The following SECISBP2L variants were observed in gnomAD, a reference collection of about 807,000 sequenced individuals.
The protein encoded by SECISBP2L is selenocysteine insertion sequence-binding protein 2-like.
A neutral mutation model predicts 114.7 loss-of-function variants in SECISBP2L; 43 were observed. The ratio of observed to expected loss-of-function variants is 0.38; its 90% CI spans 0.29 to 0.48. SECISBP2L has a LOEUF of 0.48. SECISBP2L is among the 20% of genes least tolerant of loss of function. The pLI is 0.98. For missense variants in SECISBP2L, 1,136 were observed against 1,301.1 expected (o/e 0.87, Z 1.95); for synonymous variants, 451 against 439.7 (o/e 1.03, Z -0.32).
intron 4 of SECISBP2L, among the ~76,000 whole-genome samples, chr15:49,031,989 A>G (rs1219745051): frequency 6.6e-6 from 1 of 152,208 alleles, no homozygotes; most frequent in Non-Finnish European, 1.5e-5. Flanking sequence ...TCAAAGCTTC[A>G]TGCCTTTATG....
chr15:49,033,760 C>A (rs193052282), intron 3 of SECISBP2L, among the ~76,000 whole-genome samples: 2 of 152,080 alleles, frequency 1.3e-5, no homozygotes, highest in African/African-American at 4.8e-5. Context: ...TGAGCCCAGG[C>A]GTTTGAGATT....
In SECISBP2L at chr15:48,989,130, T is replaced by G. The variant is rs2141054667; in HGVS notation, c.*3114A>C. On this transcript the variant is annotated 3_prime_UTR_variant, in exon 18 of 18. Coordinates refer to ENST00000559471, the MANE Select transcript of SECISBP2L (RefSeq NM_001193489.2). ...ATACAGAAAATACATGACAAGGGTG[T>G]TTTTTTTTTTTAAGCAAACAGCAGC... 2.7e-5 allele frequency: 1 copy of G among 36,772 alleles called. No homozygotes were observed. The highest frequency in any genetic ancestry group is 4.1e-4 in the East Asian group (1 of 2,428). 2.3% of individuals were successfully genotyped at this position (36,772 alleles called of 1,614,324 possible). A position where few individuals can be genotyped will look rare whatever the true frequency, so the allele number is the denominator to read the frequency against.
At chr15:48,993,258 G>A (rs547849269) in intron 17 of SECISBP2L, among the ~76,000 whole-genome samples, 91 of 152,028 alleles carry the variant, frequency 6.0e-4, no homozygotes, top group African/African-American at 2.1e-3. Flanking sequence ...AAAATGCTGG[G>A]ATTACAGGTG....
intron 11 of SECISBP2L, among the ~76,000 whole-genome samples, chr15:49,015,823 T>C (rs1355143088): frequency 2.0e-5 from 3 of 152,138 alleles, no homozygotes; most frequent in Non-Finnish European, 4.4e-5. Flanking sequence ...ATTTCAATCT[T>C]TGAAAAAGAA....
At chr15:48,993,100 A>AGAGTGTGTGTGT (rs772299775) in intron 17 of SECISBP2L, among the ~76,000 whole-genome samples, 174 bp from the exon 18 acceptor site, 35 of 139,220 alleles carry the variant, frequency 2.5e-4, no homozygotes, top group South Asian at 1.2e-3. Flanking sequence ...ACAGAGAGAG[A>AGAGTGTGTGTGT]GTGTGTGTGT....
chr15:49,006,236 C>T (rs927325455), intron 14 of SECISBP2L, among the ~76,000 whole-genome samples: 2 of 152,086 alleles, frequency 1.3e-5, no homozygotes, highest in African/African-American at 4.8e-5. Flanking sequence ...TGGGTTTGTT[C>T]TTCTCAAGGA....
chr15:49,014,247 C>G (rs1036440585), intron 11 of SECISBP2L, among the ~76,000 whole-genome samples: 3 of 152,154 alleles, frequency 2.0e-5, no homozygotes, highest in African/African-American at 7.2e-5. Flanking sequence ...TGTAACATTA[C>G]ACTCCTTTAT....
intron 6 of SECISBP2L, among the ~76,000 whole-genome samples, chr15:49,027,810 C>T: frequency 6.6e-6 from 1 of 152,056 alleles, no homozygotes; most frequent in Admixed American, 6.5e-5. Context: ...TGGGTTTCAT[C>T]ATGTTGGCCA....
intron 15 of SECISBP2L, among the ~76,000 whole-genome samples, chr15:49,000,189 A>G (rs2141061545): frequency 6.6e-6 from 1 of 152,320 alleles, no homozygotes; most frequent in East Asian, 1.9e-4. Context: ...ATTAAATTCC[A>G]AATTCCCTCA....
chr15:49,026,850 A>G (rs1470107329), intron 7 of SECISBP2L, among the ~76,000 whole-genome samples: 1 of 152,228 alleles, frequency 6.6e-6, no homozygotes, highest in Non-Finnish European at 1.5e-5. Context: ...AGTTATGGGT[A>G]GTTCATGGCA....
chr15:49,028,208 G>A (rs772066806), intron 5 of SECISBP2L, 40 bp from the exon 6 acceptor site: 2 of 1,523,046 alleles, frequency 1.3e-6, no homozygotes, highest in African/African-American at 1.4e-5. Context: ...CTCTACTTGA[G>A]AACCAACATT....
chr15:49,046,301 G>A lies in SECISBP2L; in HGVS notation c.-2C>T. On this transcript the variant is annotated 5_prime_UTR_variant, in exon 1 of 18. Coordinates refer to ENST00000559471, the MANE Select transcript of SECISBP2L (RefSeq NM_001193489.2). ...CTGCTCCGTGGGGGCTCGGTCCATG[G>A]TGCCTGCAGCCGCAACGGGCCCGCG... 2 of 1,551,438 alleles carry A rather than the reference G, an allele frequency of 1.3e-6. No homozygotes were observed. The highest frequency in any genetic ancestry group is 1.7e-6 in the Non-Finnish European group (2 of 1,149,782).
At chr15:49,028,233 A>G (rs1178440937) in intron 5 of SECISBP2L, 65 bp from the exon 6 acceptor site, 3 of 1,388,492 alleles carry the variant, frequency 2.2e-6, no homozygotes, top group Non-Finnish European at 2.9e-6. Context: ...ACTTTGCTAA[A>G]TGTTTTATAA....
In SECISBP2L at chr15:49,040,597, G is replaced by A. The variant is rs371938834; in HGVS notation, c.25-2828C>T. On this transcript the variant is annotated intron_variant, in intron 1 of 17. Transcript: ENST00000559471. ...GTGGCCCAGGCGGGAGTGCAGTGGC[G>A]CAATCTCGGCTCACTGCAAGCTCCG... Among the ~76,000 whole-genome samples the A allele has an allele frequency of 4.5e-5, 6 of 133,812 alleles. No individual in the cohort carries two copies. In the East Asian group the frequency reaches 6.9e-4, roughly 15 times the overall value. 87.8% of individuals were successfully genotyped at this position (133,812 alleles called of 152,430 possible). A position where few individuals can be genotyped will look rare whatever the true frequency, so the allele number is the denominator to read the frequency against.
rs778540276 is a variant in SECISBP2L, at chr15:49,017,590, A to T, written c.1209T>A (p.Asn403Lys). 6.2e-7 allele frequency: 1 copy of T among 1,608,770 alleles called. No individual in the cohort carries two copies. Among genetic ancestry groups the T allele is most frequent in the South Asian group, 1.1e-5 (1 of 89,904 alleles). Residue 403 changes from asparagine (N) to lysine (K), a missense_variant, in exon 9 of 18, where the codon AAT (asparagine) becomes AAA (lysine). Physicochemically the swap from Asn to Lys is moderately conservative, Grantham distance 94. Around this residue, in one of 2 missense-constraint regions of SECISBP2L, gnomAD observed 684 missense variants for 848.7 expected, o/e 0.81. Transcript: ENST00000559471. ...TTTGTTGAATATTCTCATCCTTAGC[A>T]TTTCCATTCTCATTTAGTTCTTGAA... ...DGFQELNENG[N>K]AKDENIQQKL...
intron 8 of SECISBP2L, chr15:49,017,902 G>A (rs1462982472): frequency 3.8e-6 from 1 of 260,138 alleles, no homozygotes; most frequent in South Asian, 8.8e-5. Context: ...CAGATGGGTG[G>A]GTAATTGAAA....
intron 8 of SECISBP2L, among the ~76,000 whole-genome samples, chr15:49,019,176 C>T (rs1595789568): frequency 6.6e-6 from 1 of 151,910 alleles, no homozygotes; most frequent in Non-Finnish European, 1.5e-5. Flanking sequence ...TATACATTAC[C>T]CCCTAAATGA....
intron 4 of SECISBP2L, among the ~76,000 whole-genome samples, chr15:49,029,704 T>C (rs140345085): frequency 2.8e-4 from 42 of 152,262 alleles, no homozygotes; most frequent in African/African-American, 9.4e-4. Context: ...CATATCCAAC[T>C]TTACTTGATG....
In SECISBP2L at chr15:49,028,216, A is replaced by C. The variant is rs780300651; in HGVS notation, c.895-48T>G. ...AATTATACTCTACTTGAGAACCAAC[A>C]TTATGTACTTTGCTAAATGTTTTAT... On this transcript the variant is annotated intron_variant, in intron 5 of 17. Coordinates refer to ENST00000559471, the MANE Select transcript of SECISBP2L (RefSeq NM_001193489.2). 3.4e-6 allele frequency: 5 copies of C among 1,482,372 alleles called. No individual in the cohort carries two copies. In the South Asian group the frequency reaches 5.0e-5, roughly 15 times the overall value. The allele number at this position is 1,482,372 out of a possible 1,614,324, so 91.8% of individuals were successfully genotyped here.
Sources: gnomAD v4.1 joint callset for allele counts (sites outside exome capture counted in the v4.1 genomes callset) on GRCh38, gnomAD v4.1.1 for gene constraint, gnomAD v4.1.1 regional missense constraint, MANE v1.5 for transcripts, NCBI Gene and HGNC (gene_info 2026-07-23, HGNC 2026-07-21) for gene names.